The following NAV3 variants were observed in gnomAD, a reference collection of about 807,000 sequenced individuals.
The protein encoded by NAV3 is pore membrane and/or filament interacting like protein 1.
NAV3 carries 87 observed loss-of-function variants against 244.7 expected under a neutral mutation model. That is an observed-to-expected ratio of 0.36 (90% CI 0.30 to 0.42). The LOEUF is 0.42. NAV3 is among the 20% of genes least tolerant of loss of function. The pLI, the probability that NAV3 is intolerant of heterozygous loss-of-function variation, is 1.00. For missense variants in NAV3, 2,663 were observed against 2,893.3 expected, an observed-to-expected ratio of 0.92 and a Z score of 1.83; for synonymous variants, 1,126 against 1,042.2, an observed-to-expected ratio of 1.08 and a Z score of -1.55.
chr12:78,204,620 T>A (rs1198539894), intron 38 of NAV3, among the ~76,000 whole-genome samples: 3 of 152,144 alleles, frequency 2.0e-5, no homozygotes, highest in Admixed American at 2.0e-4. Context: ...TAGTTTTCTC[T>A]TGGTTTGTCA....
intron 2 of NAV3, among the ~76,000 whole-genome samples, chr12:77,626,984 G>A (rs1242863797): frequency 2.0e-5 from 3 of 152,004 alleles, no homozygotes; most frequent in Admixed American, 2.0e-4. Flanking sequence ...AGGGACAAAG[G>A]ATATACAAGA....
intron 2 of NAV3, among the ~76,000 whole-genome samples, chr12:77,670,048 A>G (rs1198687503): frequency 6.6e-6 from 1 of 152,122 alleles, no homozygotes; most frequent in Non-Finnish European, 1.5e-5. Flanking sequence ...TTGATAGACC[A>G]TTCTTGAGGT....
chr12:77,722,029 G>T (rs549992053), intron 2 of NAV3, among the ~76,000 whole-genome samples: 4 of 152,022 alleles, frequency 2.6e-5, no homozygotes, highest in Non-Finnish European at 4.4e-5. Flanking sequence ...CATAAACTGT[G>T]TGCTCCATGT....
rs934456469 is a variant in NAV3, at chr12:77,925,300, T to C, written c.244-15019T>C. 2.6e-5 allele frequency among the ~76,000 whole-genome samples: 4 copies of C among 152,230 alleles called. No individual in the cohort carries two copies. In the South Asian group the frequency reaches 8.3e-4, roughly 31 times the overall value. ...AAAATTTGGTTTAGAGGCTTGAATT[T>C]GAAATTTGGGGCTAATTTAAAATCT... is the stretch of plus-strand genomic sequence containing the variant. On this transcript the variant is annotated intron_variant, in intron 1 of 39. Transcript: ENST00000397909.
intron 20 of NAV3, among the ~76,000 whole-genome samples, chr12:78,142,006 C>T (rs1016356831): frequency 6.6e-6 from 1 of 151,974 alleles, no homozygotes; most frequent in African/African-American, 2.4e-5. Context: ...GAAAAATACA[C>T]TTAGATAGAA....
chr12:77,789,243 C>T (rs1034158476), intron 2 of NAV3, among the ~76,000 whole-genome samples: 1 of 152,116 alleles, frequency 6.6e-6, no homozygotes, highest in African/African-American at 2.4e-5. Context: ...ATTGTTTTGT[C>T]CAAGTTCTTA....
chr12:78,168,938 C>T (rs911593650), intron 24 of NAV3, 72 bp downstream of exon 24: 4 of 983,800 alleles, frequency 4.1e-6, no homozygotes, highest in Non-Finnish European at 6.2e-6. Flanking sequence ...TACAGTAGAA[C>T]TGCATTTACT....
chr12:77,703,087 GT>G (rs922539813), intron 2 of NAV3, among the ~76,000 whole-genome samples: 3 of 151,834 alleles, frequency 2.0e-5, no homozygotes, highest in African/African-American at 7.3e-5. Context: ...TTATCATGTC[GT>G]TTGATAAGTT....
At chr12:77,954,507 C>T (rs1425206973) in intron 3 of NAV3, among the ~76,000 whole-genome samples, 1 of 152,190 alleles carries the variant, frequency 6.6e-6, no homozygotes, top group Non-Finnish European at 1.5e-5. Flanking sequence ...TGAGCCTCTA[C>T]TGAATAAGAA....
At chr12:77,789,676 G>T (rs2370043) in intron 2 of NAV3, among the ~76,000 whole-genome samples, 1 of 151,888 alleles carries the variant, frequency 6.6e-6, no homozygotes, top group Non-Finnish European at 1.5e-5. Context: ...CGGGTGTGGT[G>T]GTGGGTGCCT....
rs1413582662 is a variant in NAV3, at chr12:78,212,512, T to G, written c.*1995T>G. 1 of 152,646 alleles carries G rather than the reference T, an allele frequency of 6.6e-6. No individual in the cohort carries two copies. Among genetic ancestry groups the G allele is most frequent in the Admixed American group, 6.5e-5 (1 of 15,270 alleles). The allele number at this position is 152,646 out of a possible 1,614,324, so 9.5% of individuals were successfully genotyped here. On this transcript the variant is annotated 3_prime_UTR_variant, in exon 40 of 40. Transcript: ENST00000397909. ...ATTTATGCACATAGAATTGTCACCC[T>G]GACTTTGAAGCCTCAAACATGGATC...
At chr12:77,836,432 G>C (rs1396599584) in intron 1 of NAV3, among the ~76,000 whole-genome samples, 1 of 152,034 alleles carries the variant, frequency 6.6e-6, no homozygotes, top group Non-Finnish European at 1.5e-5. Context: ...TCAAGATTCT[G>C]TTTTACATTA....
At chr12:77,952,017 T>C (rs992204999) in intron 3 of NAV3, among the ~76,000 whole-genome samples, 5 of 150,680 alleles carry the variant, frequency 3.3e-5, no homozygotes, top group Admixed American at 1.3e-4. Flanking sequence ...TGTATACATA[T>C]GTAACAAACC....
chr12:78,000,060 T>C (rs1222258327), intron 7 of NAV3, among the ~76,000 whole-genome samples: 1 of 152,212 alleles, frequency 6.6e-6, no homozygotes, highest in Non-Finnish European at 1.5e-5. Context: ...TTATCTGAAT[T>C]TTTCTGTAAT....
chr12:77,912,696 T>G (rs1886724116), intron 1 of NAV3, among the ~76,000 whole-genome samples: 2 of 152,134 alleles, frequency 1.3e-5, no homozygotes, highest in Non-Finnish European at 2.9e-5. Context: ...AATGGTGCGA[T>G]CTCAGCTGAC....
chr12:78,179,477 C>T, intron 28 of NAV3, 52 bp from the exon 29 acceptor site: 1 of 1,608,212 alleles, frequency 6.2e-7, no homozygotes, highest in Non-Finnish European at 8.5e-7. Flanking sequence ...CAGTGCTTTT[C>T]TTAATCCTCT....
At chr12:77,825,007 A>G (rs535776488) in intron 2 of NAV3, among the ~76,000 whole-genome samples, 11 of 152,234 alleles carry the variant, frequency 7.2e-5, no homozygotes, top group Non-Finnish European at 1.6e-4. Flanking sequence ...ATAGAAAGGA[A>G]CAAAGATCAG....
intron 2 of NAV3, among the ~76,000 whole-genome samples, chr12:77,825,856 A>G (rs543333749): frequency 6.6e-6 from 1 of 152,340 alleles, no homozygotes; most frequent in South Asian, 2.1e-4. Context: ...GAGACAAACA[A>G]AAAGTGGGCA....
intron 2 of NAV3, among the ~76,000 whole-genome samples, chr12:77,670,248 G>A (rs1165573404): frequency 3.3e-5 from 5 of 152,156 alleles, no homozygotes; most frequent in African/African-American, 1.2e-4. Flanking sequence ...AAACCAGAAA[G>A]ATATAGAAAC....
Sources: allele counts gnomAD v4.1 joint callset (sites outside exome capture counted in the v4.1 genomes callset), GRCh38; gene constraint gnomAD v4.1.1; transcripts MANE v1.5; gene names NCBI Gene and HGNC (gene_info 2026-07-23, HGNC 2026-07-21).